Variants in LRRTM3 observed in about 807,000 individuals in gnomAD.
LRRTM3 encodes leucine rich repeat transmembrane neuronal 3, also known as leucine-rich repeat transmembrane neuronal protein 3.
In LRRTM3, 24 loss-of-function variants were observed where a neutral mutation model predicts 44.7. That is an observed-to-expected ratio of 0.54 (90% CI 0.39 to 0.76). The LOEUF is 0.76. Among genes scored for constraint, LRRTM3 ranks in the 30% least tolerant of loss-of-function variants. The probability of loss-of-function intolerance (pLI) is 0.00; values close to 1 mark genes in which losing one functional copy is unlikely to be tolerated. For missense variants in LRRTM3, 587 were observed against 702.2 expected (o/e 0.84, Z 1.85); for synonymous variants, 277 against 278.7 (o/e 0.99, Z 0.06).
rs80289000 is a variant in LRRTM3 at position 66,958,484 on chromosome 10, T to C, written c.1536+30032T>C. Among the ~76,000 whole-genome samples, 3,562 of 152,016 alleles carry C rather than the reference T, an allele frequency of 0.023. 378 individuals are homozygous for C. In the East Asian group the frequency reaches 0.27, roughly 11 times the overall value. Reference sequence around the variant, plus strand: ...GCTTTTTTTTTTAAAAAAAATAGCATATAGCTCAGATTATTAGCTATCTCT... The same window carrying C: ...GCTTTTTTTTTTAAAAAAAATAGCACATAGCTCAGATTATTAGCTATCTCT... On this transcript the variant is annotated intron_variant, in intron 2 of 2. Coordinates refer to ENST00000361320, the MANE Select transcript of LRRTM3 (RefSeq NM_178011.5).
chr10:67,070,671 C>G (rs10997493), intron 2 of LRRTM3, among the ~76,000 whole-genome samples: 20,463 of 151,594 alleles, frequency 0.13, 1,811 homozygotes, highest in African/African-American at 0.26. Flanking sequence ...CGCTTGAACC[C>G]GGGAGGCGGA....
intron 2 of LRRTM3, among the ~76,000 whole-genome samples, chr10:66,985,945 C>T (rs1473010138): frequency 2.6e-5 from 4 of 152,084 alleles, no homozygotes; most frequent in African/African-American, 9.7e-5. Flanking sequence ...CCAGGATGGT[C>T]TCGATCTCCT....
intron 2 of LRRTM3, among the ~76,000 whole-genome samples, chr10:67,094,994 T>C (rs80005056): frequency 6.6e-6 from 1 of 151,424 alleles, no homozygotes; most frequent in South Asian, 2.1e-4. Flanking sequence ...AAACTATAAG[T>C]AATTGGCTTT....
chr10:67,020,793 G>A (rs186512340), intron 2 of LRRTM3, among the ~76,000 whole-genome samples: 9 of 152,298 alleles, frequency 5.9e-5, no homozygotes, highest in Non-Finnish European at 1.2e-4. Context: ...TCAGAAAGGT[G>A]TAGTATTTGA....
chr10:67,088,157 T>C (rs1039067891), intron 2 of LRRTM3, among the ~76,000 whole-genome samples: 2 of 151,390 alleles, frequency 1.3e-5, no homozygotes, highest in Admixed American at 6.6e-5. Context: ...AAGAAATGCT[T>C]TTCCTACATG....
At chr10:67,058,732 G>T (rs961479355) in intron 2 of LRRTM3, among the ~76,000 whole-genome samples, 10 of 152,096 alleles carry the variant, frequency 6.6e-5, no homozygotes, top group Non-Finnish European at 1.3e-4. Context: ...TTTTGCAAGG[G>T]TTACCTGTTG....
chr10:66,940,505 G>A (rs773990853), intron 2 of LRRTM3, among the ~76,000 whole-genome samples: 43 of 152,150 alleles, frequency 2.8e-4, no homozygotes, highest in Non-Finnish European at 4.9e-4. Flanking sequence ...TGCATAGAGT[G>A]TCTCATGATG....
chr10:66,936,795 C>T (rs12260653), intron 2 of LRRTM3, among the ~76,000 whole-genome samples: 3 of 152,166 alleles, frequency 2.0e-5, no homozygotes, highest in Non-Finnish European at 2.9e-5. Flanking sequence ...GTTTCTTATG[C>T]GTTATCAAAT....
intron 2 of LRRTM3, among the ~76,000 whole-genome samples, chr10:67,031,402 G>T (rs902701891): frequency 1.3e-4 from 20 of 152,020 alleles, no homozygotes; most frequent in African/African-American, 4.8e-4. Context: ...TTCACTTCTG[G>T]CTACATTATC....
chr10:67,040,191 TAATGTTCTG>T lies in LRRTM3; in HGVS notation c.1537-57393_1537-57385del, dbSNP rs776537806. ...GGAAACAAGCTCTAATGGTGCCCTT[TAATGTTCTG>T]AAGACACAGGTGTTCTCTGTGAACT... On this transcript the variant is annotated intron_variant, in intron 2 of 2. Transcript: ENST00000361320. Among the ~76,000 whole-genome samples, 34 of 152,152 alleles carry T rather than the reference TAATGTTCTG, an allele frequency of 2.2e-4. 1 individual carries two copies. The highest frequency in any genetic ancestry group is 9.2e-4 in the Admixed American group (14 of 15,274).
chr10:66,952,556 G>T (rs942781), intron 2 of LRRTM3, among the ~76,000 whole-genome samples: 146,982 of 152,212 alleles, frequency 0.97, 71,180 homozygotes, highest in East Asian at 1. Flanking sequence ...TGTGTGTGGA[G>T]GCACGCACAC....
At chr10:66,943,424 G>A (rs756710262) in intron 2 of LRRTM3, among the ~76,000 whole-genome samples, 3 of 151,648 alleles carry the variant, frequency 2.0e-5, no homozygotes, top group Non-Finnish European at 4.4e-5. Flanking sequence ...TCTTTTTATG[G>A]TATATCTTCA....
chr10:67,040,790 T>C (rs1854345528), intron 2 of LRRTM3, among the ~76,000 whole-genome samples: 1 of 152,116 alleles, frequency 6.6e-6, no homozygotes, highest in Admixed American at 6.6e-5. Flanking sequence ...TTCTCTGTGG[T>C]ATTTTTAAAA....
At chr10:67,036,507 T>C (rs1375031944) in intron 2 of LRRTM3, among the ~76,000 whole-genome samples, 1 of 151,982 alleles carries the variant, frequency 6.6e-6, no homozygotes, top group Admixed American at 6.6e-5. Flanking sequence ...CTACTAAAAA[T>C]ACAAAACTTA....
At chr10:67,069,432 G>A (rs942119253) in intron 2 of LRRTM3, among the ~76,000 whole-genome samples, 1 of 151,948 alleles carries the variant, frequency 6.6e-6, no homozygotes, top group African/African-American at 2.4e-5. Flanking sequence ...ACTTGTTTTT[G>A]AAGTATAAGA....
At chr10:67,089,389 T>C (rs1857494236) in intron 2 of LRRTM3, among the ~76,000 whole-genome samples, 1 of 152,044 alleles carries the variant, frequency 6.6e-6, no homozygotes, top group African/African-American at 2.4e-5. Flanking sequence ...AAAAATAATT[T>C]ACTAGTAGAA....
At chr10:66,936,487 G>A (rs1164414986) in intron 2 of LRRTM3, among the ~76,000 whole-genome samples, 2 of 151,874 alleles carry the variant, frequency 1.3e-5, no homozygotes, top group Non-Finnish European at 2.9e-5. Context: ...TTTTTTGGTT[G>A]TTCTGTTTTG....
intron 2 of LRRTM3, among the ~76,000 whole-genome samples, chr10:66,938,922 C>A (rs186871437): frequency 2.0e-5 from 3 of 152,274 alleles, no homozygotes; most frequent in Admixed American, 2.0e-4. Context: ...CATTTGTGAT[C>A]TCTCCCCGTC....
chr10:67,074,224 G>A lies in LRRTM3; in HGVS notation c.1537-23363G>A, dbSNP rs535396950. 7.9e-5 allele frequency among the ~76,000 whole-genome samples: 12 copies of A among 151,250 alleles called. No individual in the cohort carries two copies. The East Asian group carries it at 2.3e-3, about 29-fold the overall frequency. On this transcript the variant is annotated intron_variant, in intron 2 of 2. Transcript: ENST00000361320. Reference sequence around the variant, plus strand: ...ATTTTTGTACTTTTAATAGAAACGGGGTTTCACCATTTGGCCAGGATGGTC... The same window carrying A: ...ATTTTTGTACTTTTAATAGAAACGGAGTTTCACCATTTGGCCAGGATGGTC...
Sources: allele counts gnomAD v4.1 joint callset (sites outside exome capture counted in the v4.1 genomes callset), GRCh38; gene constraint gnomAD v4.1.1; transcripts MANE v1.5; gene names NCBI Gene and HGNC (gene_info 2026-07-23, HGNC 2026-07-21).